PCLO: variants seen among roughly 807,000 people sequenced by gnomAD.
PCLO encodes the protein protein piccolo.
Under a neutral mutation model 427.5 loss-of-function variants are expected in PCLO, and 82 were observed. The ratio of observed to expected loss-of-function variants is 0.19; its 90% CI spans 0.16 to 0.23. The LOEUF (loss-of-function observed/expected upper bound fraction) is 0.23. PCLO is among the 10% of genes least tolerant of loss of function. The pLI is 1.00. For missense variants in PCLO, 6,239 were observed against 6,115.9 expected (o/e 1.02, Z -0.67); for synonymous variants, 2,357 against 2,155.4 (o/e 1.09, Z -2.59).
At position 82,951,057 on chromosome 7, in the gene PCLO, C is replaced by T. The variant is rs1266566715; in HGVS notation, c.9531G>A (p.Thr3177=). 3.7e-6 allele frequency: 6 copies of T among 1,613,742 alleles called. No homozygotes were observed. Among genetic ancestry groups the T allele is most frequent in the South Asian group, 3.3e-5 (3 of 91,080 alleles). ...TITMESLTAE[T]IDSVPTLTTA... ...TGGTTAAAGTGGGAACAGAGTCTATCGTCTCAGCAGTAAGAGACTCCATAG... is the reference window on the plus strand; with the variant it reads ...TGGTTAAAGTGGGAACAGAGTCTATTGTCTCAGCAGTAAGAGACTCCATAG... Residue 3177 remains threonine, a synonymous_variant, in exon 6 of 25, where the codon ACG becomes ACA. Coordinates refer to ENST00000333891, the MANE Select transcript of PCLO (RefSeq NM_033026.6).
chr7:82,868,452 C>T (rs1348592749), intron 10 of PCLO, among the ~76,000 whole-genome samples: 2 of 152,162 alleles, frequency 1.3e-5, no homozygotes, highest in Non-Finnish European at 1.5e-5. Flanking sequence ...CATTTTCTTG[C>T]CAGAAACCCT....
chr7:83,063,070 T>C (rs1789578904), intron 3 of PCLO, among the ~76,000 whole-genome samples: 1 of 152,076 alleles, frequency 6.6e-6, no homozygotes, highest in South Asian at 2.1e-4. Flanking sequence ...TATCTAAGCC[T>C]TGTAACAATC....
intron 22 of PCLO, among the ~76,000 whole-genome samples, chr7:82,797,300 G>T (rs1453319964): frequency 2.0e-5 from 3 of 152,116 alleles, no homozygotes; most frequent in African/African-American, 7.2e-5. Context: ...TAAACACCTG[G>T]TTTAGGAGAC....
chr7:82,821,512 T>G (rs1168887594), intron 20 of PCLO: 1 of 984,962 alleles, frequency 1.0e-6, no homozygotes, highest in African/African-American at 1.7e-5. Flanking sequence ...CAATGATCTA[T>G]CTCCATTGCC....
In PCLO at chr7:82,768,860, T is replaced by C. The variant is rs80235745; in HGVS notation, c.15008-7367A>G. ...ATCTATATGCATACATTTGTACACA[T>C]ACCTCTATCTCTAGCTATCTAATTT... On this transcript the variant is annotated intron_variant, in intron 22 of 24. Coordinates refer to ENST00000333891, the MANE Select transcript of PCLO (RefSeq NM_033026.6). Among the ~76,000 whole-genome samples the C allele has an allele frequency of 6.6e-3, 1,001 of 152,266 alleles. 13 individuals are homozygous for C. The highest frequency in any genetic ancestry group is 0.023 in the African/African-American group (946 of 41,564).
intron 7 of PCLO, chr7:82,914,485 A>C (rs1411661242): frequency 3.1e-6 from 2 of 652,136 alleles, no homozygotes; most frequent in African/African-American, 3.7e-5. Flanking sequence ...AAAGGAATAA[A>C]GTAAAACTAA....
rs1792473500 is a variant in PCLO, at chr7:83,162,554, G to A, written c.39C>T (p.Pro13=). 1 of 1,551,750 alleles carries A rather than the reference G, an allele frequency of 6.4e-7. No individual in the cohort carries two copies. Among genetic ancestry groups the A allele is most frequent in the African/African-American group, 1.4e-5 (1 of 73,324 alleles). ...CCGCTGCGGCCGCCGCCAGCCCTTC[G>A]GGGAGCCCTTCCCCTTCCAAGCTCG... ...NEASLEGEGL[P]EGLAAAAAAG... Residue 13 remains proline, a synonymous_variant, in exon 1 of 25, where the codon CCC becomes CCT. Transcript: ENST00000333891.
intron 3 of PCLO, among the ~76,000 whole-genome samples, chr7:83,101,353 A>G (rs1237716855): frequency 6.6e-6 from 1 of 152,110 alleles, no homozygotes; most frequent in Non-Finnish European, 1.5e-5. Flanking sequence ...AGAAATGGAT[A>G]TAAGTCCATT....
Position 82,954,017 on chromosome 7 carries a change from G to A in PCLO, c.6936C>T (p.Ile2312=), listed in dbSNP as rs1194203376. ...KKAKKETGNG[I]ILEVLEAYRD... is the part of the protein sequence containing the mutation. ...TGTAAGCTTCCAAAACTTCCAGAAT[G>A]ATTCCATTCCCAGTTTCCTTCTTGG... The change falls in exon 5 of 25, where the codon ATC becomes ATT. Residue 2312 remains isoleucine (I), a synonymous_variant. Transcript: ENST00000333891. The A allele has an allele frequency of 1.2e-5, 19 of 1,613,760 alleles. No individual in the cohort carries two copies. The highest frequency in any genetic ancestry group is 1.5e-5 in the Non-Finnish European group (18 of 1,179,872).
At chr7:83,159,150 C>A (rs1792373471) in intron 1 of PCLO, among the ~76,000 whole-genome samples, 1 of 151,930 alleles carries the variant, frequency 6.6e-6, no homozygotes, top group Admixed American at 6.6e-5. Context: ...AATGAGTGAA[C>A]CAAGGAATAA....
At chr7:83,037,608 T>C (rs1050123887) in intron 3 of PCLO, among the ~76,000 whole-genome samples, 20 of 151,684 alleles carry the variant, frequency 1.3e-4, no homozygotes, top group Non-Finnish European at 2.2e-4. Flanking sequence ...ACCTTACTCA[T>C]ACCTTTCATC....
At chr7:83,146,877 C>T (rs1792008624) in intron 2 of PCLO, among the ~76,000 whole-genome samples, 1 of 152,046 alleles carries the variant, frequency 6.6e-6, no homozygotes, top group South Asian at 2.1e-4. Context: ...GCTGGGATTA[C>T]AAGCATGAGC....
chr7:82,993,080 G>A (rs925321673), intron 3 of PCLO, among the ~76,000 whole-genome samples: 5 of 151,882 alleles, frequency 3.3e-5, no homozygotes, highest in Non-Finnish European at 7.4e-5. Flanking sequence ...TCCCTCCCAA[G>A]CTGAAACTCT....
chr7:83,123,529 A>C (rs1015492307), intron 3 of PCLO, among the ~76,000 whole-genome samples: 10 of 152,326 alleles, frequency 6.6e-5, no homozygotes, highest in Admixed American at 5.2e-4. Context: ...CTACCAGAAG[A>C]AAGCATTAGG....
Position 83,035,896 on chromosome 7 carries a change from C to T in PCLO, c.3301-69409G>A, listed in dbSNP as rs1457783734. On this transcript the variant is annotated intron_variant, in intron 3 of 24. Transcript: ENST00000333891. ...GGTTAGCCCCGTTTTTATTACACTA[C>T]ATTAGAGAGTGAAAAATTGAGGCAC... Among the ~76,000 whole-genome samples the T allele has an allele frequency of 3.3e-5, 5 of 152,112 alleles. No individual in the cohort carries two copies. In the East Asian group the frequency reaches 7.7e-4, roughly 23 times the overall value.
At position 83,135,219 on chromosome 7, in the gene PCLO, A is replaced by G; in HGVS notation, c.2331T>C (p.Asp777=). 16 of 1,613,858 alleles carry G rather than the reference A, an allele frequency of 9.9e-6. No individual in the cohort carries two copies. The highest frequency in any genetic ancestry group is 1.4e-5 in the Non-Finnish European group (16 of 1,179,872). ...VSSSSATTKP[D]IPSSKVQSQA... ...GTGACTGTACTTTGGAGCTTGGAAT[A>G]TCAGGTTTTGTTGTTGCTGATGATG... The change falls in exon 3 of 25, where the codon GAT becomes GAC. Residue 777 remains aspartate (D), a synonymous_variant. Coordinates refer to ENST00000333891, the MANE Select transcript of PCLO (RefSeq NM_033026.6).
intron 1 of PCLO, among the ~76,000 whole-genome samples, chr7:83,160,682 G>C (rs1792413161): frequency 2.0e-5 from 3 of 151,988 alleles, no homozygotes; most frequent in African/African-American, 7.2e-5. Flanking sequence ...TGCAAATAGT[G>C]CATGAAGCAA....
rs1375570077 is a variant in PCLO, at chr7:82,892,810, G to A, written c.13528+9841C>T. Among the ~76,000 whole-genome samples the A allele has an allele frequency of 6.9e-3, 1,042 of 151,848 alleles. 13 individuals carry two copies. The highest frequency in any genetic ancestry group is 0.023 in the African/African-American group (944 of 41,240). On this transcript the variant is annotated intron_variant, in intron 9 of 24. Transcript: ENST00000333891. ...AAAGAAGACATTTATGCAGACAAAA[G>A]ACACATGAAAAAATGCTCATCATCA...
chr7:82,867,628 T>A lies in PCLO; in HGVS notation c.13654+11709A>T, dbSNP rs115509947. On this transcript the variant is annotated intron_variant, in intron 10 of 24. Transcript: ENST00000333891. ...AATATTGGTTAGACAAATCCGGAAA[T>A]CTAACTGTAGGAACAATTGTTCCTT... Among the ~76,000 whole-genome samples the A allele has an allele frequency of 7.4e-3, 1,125 of 152,214 alleles. 18 individuals carry two copies. Among genetic ancestry groups the A allele is most frequent in the African/African-American group, 0.025 (1,050 of 41,538 alleles).
Sources: allele counts gnomAD v4.1 joint callset (sites outside exome capture counted in the v4.1 genomes callset), GRCh38; gene constraint gnomAD v4.1.1; transcripts MANE v1.5; gene names NCBI Gene and HGNC (gene_info 2026-07-23, HGNC 2026-07-21).